The following DCDC1 variants were observed in gnomAD, a reference collection of about 807,000 sequenced individuals.
The protein encoded by DCDC1 is doublecortin domain containing 1, also known as doublecortin domain-containing protein 1.
In DCDC1, 200 loss-of-function variants were observed where a neutral mutation model predicts 178.3. That is an observed-to-expected ratio of 1.12 (90% CI 1.00 to 1.26). The LOEUF (loss-of-function observed/expected upper bound fraction) is 1.26, where lower values mean the gene tolerates loss of function less well. DCDC1 is among the 50% of genes most tolerant of loss of function. DCDC1 has a pLI of 0.00. For synonymous variants in DCDC1, 690 were observed against 604.8 expected, an observed-to-expected ratio of 1.14 and a Z score of -2.07; for missense variants, 1,983 against 1,749.2, an observed-to-expected ratio of 1.13 and a Z score of -2.38.
chr11:31,106,407 A>G (rs553284165), intron 13 of DCDC1, among the ~76,000 whole-genome samples: 4 of 152,196 alleles, frequency 2.6e-5, no homozygotes, highest in Non-Finnish European at 5.9e-5. Flanking sequence ...TCTCCTTTAA[A>G]AAGGGACAAA....
At chr11:31,124,723 C>T (rs1961346167) in intron 11 of DCDC1, among the ~76,000 whole-genome samples, 1 of 152,106 alleles carries the variant, frequency 6.6e-6, no homozygotes, top group Admixed American at 6.6e-5. Flanking sequence ...CAACAACTGG[C>T]TAACCATAGG....
At chr11:31,112,719 G>A (rs1303756899) in intron 11 of DCDC1, among the ~76,000 whole-genome samples, 1 of 152,164 alleles carries the variant, frequency 6.6e-6, no homozygotes, top group Non-Finnish European at 1.5e-5. Flanking sequence ...AAAGTACAGA[G>A]TTTCAAGAGA....
chr11:31,150,691 A>G (rs1220918875), intron 9 of DCDC1, among the ~76,000 whole-genome samples: 1 of 152,142 alleles, frequency 6.6e-6, no homozygotes, highest in Non-Finnish European at 1.5e-5. Flanking sequence ...TATCTAATTT[A>G]CTACTGTACT....
intron 12 of DCDC1, among the ~76,000 whole-genome samples, chr11:31,108,175 C>T (rs532042528): frequency 3.7e-4 from 56 of 152,202 alleles, no homozygotes; most frequent in Admixed American, 8.5e-4. Context: ...CTTAGAGATA[C>T]GTAATAGTAT....
At chr11:31,052,395 A>G (rs1005749130) in intron 20 of DCDC1, among the ~76,000 whole-genome samples, 2 of 152,188 alleles carry the variant, frequency 1.3e-5, no homozygotes, top group Admixed American at 6.5e-5. Flanking sequence ...ACCACAACAC[A>G]ATAATAGTGG....
At chr11:31,046,605 G>A in intron 20 of DCDC1, among the ~76,000 whole-genome samples, 1 of 123,244 alleles carries the variant, frequency 8.1e-6, no homozygotes, top group Admixed American at 8.4e-5. Context: ...GTGTTCACTG[G>A]CCTCAGTAAG....
chr11:31,209,790 A>T (rs1972282239), intron 9 of DCDC1, among the ~76,000 whole-genome samples: 1 of 152,190 alleles, frequency 6.6e-6, no homozygotes, highest in South Asian at 2.1e-4. Flanking sequence ...ATGTCAAGAG[A>T]GTAGAAGAAT....
intron 14 of DCDC1, among the ~76,000 whole-genome samples, chr11:31,102,528 T>G (rs867863507): frequency 6.6e-6 from 1 of 152,166 alleles, no homozygotes; most frequent in African/African-American, 2.4e-5. Context: ...CTGGACTGAG[T>G]GATCTCATCA....
chr11:30,871,895 CAT>C (rs989372200), intron 38 of DCDC1, among the ~76,000 whole-genome samples: 6 of 151,860 alleles, frequency 4.0e-5, no homozygotes, highest in Admixed American at 2.6e-4. Context: ...TATATATACA[CAT>C]ATATATACAC....
In DCDC1 at chr11:31,263,350, C is replaced by T. The variant is rs540498091; in HGVS notation, c.1054+2157G>A. 3.3e-5 allele frequency among the ~76,000 whole-genome samples: 5 copies of T among 151,946 alleles called. No individual in the cohort carries two copies. In the South Asian group the frequency reaches 6.2e-4, roughly 19 times the overall value. ...TTAGCCAGAGTAATGGAAGAGGAGA[C>T]AAAAATGCAAGAAAGAAAGAAATCA... is the stretch of plus-strand genomic sequence containing the variant. On this transcript the variant is annotated intron_variant, in intron 8 of 38. Coordinates refer to ENST00000684477, the MANE Select transcript of DCDC1 (RefSeq NM_001387274.1).
intron 2 of DCDC1, among the ~76,000 whole-genome samples, chr11:31,330,283 G>A (rs1214016862): frequency 6.6e-6 from 1 of 152,124 alleles, no homozygotes; most frequent in Admixed American, 6.6e-5. Flanking sequence ...GTTCTTTGTA[G>A]ATTCTGGATA....
At chr11:31,324,299 T>G (rs1356991710) in intron 3 of DCDC1, among the ~76,000 whole-genome samples, 2 of 151,690 alleles carry the variant, frequency 1.3e-5, no homozygotes, top group Non-Finnish European at 2.9e-5. Context: ...GCATAAATCA[T>G]TCCACCCAAA....
intron 21 of DCDC1, among the ~76,000 whole-genome samples, chr11:30,937,170 T>C (rs1947328389): frequency 6.6e-6 from 1 of 152,188 alleles, no homozygotes; most frequent in South Asian, 2.1e-4. Context: ...CAATTTGTTG[T>C]GGTTCCATTT....
chr11:31,137,355 GTT>G (rs35286625), intron 10 of DCDC1, among the ~76,000 whole-genome samples: 1,430 of 138,512 alleles, frequency 0.01, 19 homozygotes, highest in South Asian at 0.023. Context: ...TTCATTGCAG[GTT>G]TTTTTTTTTT....
At chr11:31,100,508 G>A (rs536536769) in intron 15 of DCDC1, among the ~76,000 whole-genome samples, 2 of 152,282 alleles carry the variant, frequency 1.3e-5, no homozygotes, top group South Asian at 2.1e-4. Flanking sequence ...TCTTTCTGGA[G>A]TATCTGAGAA....
chr11:31,182,628 A>G (rs959739333), intron 9 of DCDC1, among the ~76,000 whole-genome samples: 1 of 152,074 alleles, frequency 6.6e-6, no homozygotes, highest in South Asian at 2.1e-4. Flanking sequence ...ACAAAACAGT[A>G]CCAGCCACTG....
intron 20 of DCDC1, among the ~76,000 whole-genome samples, chr11:31,030,860 GA>G (rs35033833): frequency 0.5 from 73,688 of 148,288 alleles, 18,240 homozygotes; most frequent in African/African-American, 0.58. Context: ...CCCAGGGCAA[GA>G]AAAAAAAAAA....
At chr11:31,030,860 GAA>G (rs35033833) in intron 20 of DCDC1, among the ~76,000 whole-genome samples, 10 of 148,382 alleles carry the variant, frequency 6.7e-5, no homozygotes, top group African/African-American at 1.7e-4. Context: ...CCCAGGGCAA[GAA>G]AAAAAAAAAC....
intron 18 of DCDC1, among the ~76,000 whole-genome samples, chr11:31,068,977 GAGT>G (rs1471437281): frequency 1.3e-5 from 2 of 151,394 alleles, no homozygotes; most frequent in East Asian, 3.9e-4. Flanking sequence ...TCAGCCTCCC[GAGT>G]AGCTGGGACT....
Sources: gnomAD v4.1 joint callset for allele counts (sites outside exome capture counted in the v4.1 genomes callset) on GRCh38, gnomAD v4.1.1 for gene constraint, MANE v1.5 for transcripts, NCBI Gene and HGNC (gene_info 2026-07-23, HGNC 2026-07-21) for gene names.